The following OR2A25 variants were observed in gnomAD, a reference collection of about 807,000 sequenced individuals.
The protein encoded by OR2A25 is olfactory receptor 2A25.
For synonymous variants in OR2A25, 162 were observed against 148.1 expected (o/e 1.09, Z -0.68); for missense variants, 362 against 368.3 (o/e 0.98, Z 0.14).
Position 144,074,396 on chromosome 7 carries a change from C to T in OR2A25, c.177C>T (p.Tyr59=), listed in dbSNP as rs773190911. ...SLDSRLHTPM[Y]FFLSHLAVVD... ...ACTCCAGACTCCACACCCCCATGTACTTCTTCCTCTCACACCTGGCGGTCG... is the reference window on the plus strand; with the variant it reads ...ACTCCAGACTCCACACCCCCATGTATTTCTTCCTCTCACACCTGGCGGTCG... The change falls in exon 2 of 2, where the codon TAC becomes TAT. Residue 59 remains tyrosine (Y), a synonymous_variant. Coordinates refer to ENST00000641663, the MANE Select transcript of OR2A25 (RefSeq NM_001386096.1). The T allele has an allele frequency of 3.1e-5, 50 of 1,614,046 alleles. 1 individual carries two copies. The Middle Eastern group carries it at 6.6e-4, about 21-fold the overall frequency.
intron 1 of OR2A25, among the ~76,000 whole-genome samples, chr7:144,071,388 G>T (rs2051066218): frequency 6.6e-6 from 1 of 152,072 alleles, no homozygotes; most frequent in Non-Finnish European, 1.5e-5. Flanking sequence ...GCTCCACTGT[G>T]TATATGTACC....
chr7:144,074,401 T>G lies in OR2A25; in HGVS notation c.182T>G (p.Phe61Cys). The G allele has an allele frequency of 1.2e-6, 2 of 1,614,142 alleles. No individual in the cohort carries two copies. Among genetic ancestry groups the G allele is most frequent in the Admixed American group, 1.7e-5 (1 of 60,014 alleles). Reference protein sequence around the residue: ...DSRLHTPMYFFLSHLAVVDIA... With the variant: ...DSRLHTPMYFCLSHLAVVDIA... ...AGACTCCACACCCCCATGTACTTCT[T>G]CCTCTCACACCTGGCGGTCGTCGAC... Residue 61 changes from phenylalanine to cysteine, a missense_variant, in exon 2 of 2, where the codon TTC (phenylalanine) becomes TGC (cysteine). Transcript: ENST00000641663.
intron 1 of OR2A25, 121 bp from the exon 2 acceptor site, chr7:144,074,095 T>C (rs750979275): frequency 1.1e-6 from 1 of 897,198 alleles, no homozygotes; most frequent in Non-Finnish European, 1.7e-6. Flanking sequence ...GTGACTAAGA[T>C]CAAAATATAA....
rs764155220 is a variant in OR2A25, at chr7:144,074,421, G to T, written c.202G>T (p.Val68Phe). 1 of 1,614,170 alleles carries T rather than the reference G, an allele frequency of 6.2e-7. No homozygotes were observed. The highest frequency in any genetic ancestry group is 2.2e-5 in the East Asian group (1 of 44,878). Reference sequence around the variant, plus strand: ...CTTCTTCCTCTCACACCTGGCGGTCGTCGACATCGCCTGTGCTTGCAGCAC... The same window carrying T: ...CTTCTTCCTCTCACACCTGGCGGTCTTCGACATCGCCTGTGCTTGCAGCAC... Reference protein sequence around the residue: ...MYFFLSHLAVVDIACACSTVP... With the variant: ...MYFFLSHLAVFDIACACSTVP... Residue 68 changes from valine to phenylalanine, a missense_variant, in exon 2 of 2, where the codon GTC becomes TTC. Transcript: ENST00000641663.
Position 144,070,792 on chromosome 7 carries a change from A to G in OR2A25, c.-5+896A>G, listed in dbSNP as rs138075332. Among the ~76,000 whole-genome samples the G allele has an allele frequency of 3.1e-3, 465 of 152,150 alleles. 3 individuals are homozygous for G. The highest frequency in any genetic ancestry group is 4.9e-3 in the Non-Finnish European group (336 of 67,940). Reference sequence around the variant, plus strand: ...ATTCATTTTTCTGAGCTATTTAAACATGAGAATTATCATATTTGTGAGTCC... The same window carrying G: ...ATTCATTTTTCTGAGCTATTTAAACGTGAGAATTATCATATTTGTGAGTCC... On this transcript the variant is annotated intron_variant, in intron 1 of 1. Coordinates refer to ENST00000641663, the MANE Select transcript of OR2A25 (RefSeq NM_001386096.1).
rs763465311 is a variant in OR2A25, at chr7:144,074,838, G to T, written c.619G>T (p.Val207Leu). ...TTTGGCAGGGGCAGTGTCTGTGCTG[G>T]TGGGAGCCTTCTTTTCCACTGTAAT... ...MVLAGAVSVL[V>L]GAFFSTVISY... Residue 207 changes from valine (V) to leucine (L), a missense_variant, in exon 2 of 2, where the codon GTG becomes TTG. Transcript: ENST00000641663. 6.2e-7 allele frequency: 1 copy of T among 1,614,188 alleles called. No individual in the cohort carries two copies. Among genetic ancestry groups the T allele is most frequent in the Non-Finnish European group, 8.5e-7 (1 of 1,180,042 alleles).
At chr7:144,071,007 A>C (rs533793381) in intron 1 of OR2A25, among the ~76,000 whole-genome samples, 1 of 152,056 alleles carries the variant, frequency 6.6e-6, no homozygotes. Context: ...ATCCAATTAC[A>C]TTCTTTAATG....
At chr7:144,070,254 TTTTTCCCCC>T (rs2051055637) in intron 1 of OR2A25, 1 of 152,058 alleles carries the variant, frequency 6.6e-6, no homozygotes, top group South Asian at 2.1e-4. Flanking sequence ...CTGGGGCACT[TTTTTCCCCC>T]AATAATCTTT....
intron 1 of OR2A25, among the ~76,000 whole-genome samples, chr7:144,072,247 T>C (rs1275516317): frequency 6.6e-6 from 1 of 151,948 alleles, no homozygotes; most frequent in Admixed American, 6.6e-5. Context: ...AAGAAGGCTA[T>C]AGAGTCAGGC....
Position 144,074,350 on chromosome 7 carries a change from T to A in OR2A25, c.131T>A (p.Ile44Asn), listed in dbSNP as rs1424897317. The change falls in exon 2 of 2, where the codon ATC becomes AAC. Residue 44 changes from isoleucine to asparagine, a missense_variant. By Grantham distance (149) the Ile-to-Asn change is moderately radical. Transcript: ENST00000641663. ...TTCATTCTGTTGGGGAACGGGACAATCCTGGGGCTCATCTCACTGGACTCC... is the reference window on the plus strand; with the variant it reads ...TTCATTCTGTTGGGGAACGGGACAAACCTGGGGCTCATCTCACTGGACTCC... ...YIFILLGNGTILGLISLDSRL... is the reference protein window; with the variant it reads ...YIFILLGNGTNLGLISLDSRL... The A allele has an allele frequency of 1.9e-6, 3 of 1,613,910 alleles. No homozygotes were observed. The highest frequency in any genetic ancestry group is 2.5e-6 in the Non-Finnish European group (3 of 1,179,940).
In OR2A25 at chr7:144,075,742, T is replaced by C. The variant is rs2051108721; in HGVS notation, c.*590T>C. The C allele has an allele frequency of 6.7e-6, 1 of 149,746 alleles. No homozygotes were observed. Among genetic ancestry groups the C allele is most frequent in the South Asian group, 2.1e-4 (1 of 4,776 alleles). 9.3% of individuals were successfully genotyped at this position (149,746 alleles called of 1,614,324 possible). ...TACTCGGGAGGCTGAGGCAGGAGAA[T>C]GGCGCGAACCCTGGAGAGGCGGAGC... is the stretch of plus-strand genomic sequence containing the variant. On this transcript the variant is annotated 3_prime_UTR_variant, in exon 2 of 2. Coordinates refer to ENST00000641663, the MANE Select transcript of OR2A25 (RefSeq NM_001386096.1).
At chr7:144,071,793 A>C (rs2051069101) in intron 1 of OR2A25, among the ~76,000 whole-genome samples, 1 of 151,996 alleles carries the variant, frequency 6.6e-6, no homozygotes, top group Non-Finnish European at 1.5e-5. Flanking sequence ...TAGCATTGTT[A>C]TCTTCATTGG....
At chr7:144,070,579 CT>C (rs2051058365) in intron 1 of OR2A25, among the ~76,000 whole-genome samples, 2 of 151,560 alleles carry the variant, frequency 1.3e-5, no homozygotes, top group South Asian at 4.2e-4. Context: ...TATTTTGATG[CT>C]TTTGGTGTTG....
At chr7:144,071,965 A>G (rs1165078000) in intron 1 of OR2A25, among the ~76,000 whole-genome samples, 1 of 152,082 alleles carries the variant, frequency 6.6e-6, no homozygotes, top group Non-Finnish European at 1.5e-5. Context: ...TTAATCTATG[A>G]ATTAAAACAC....
rs1233270358 is a variant in OR2A25 at position 144,074,434 on chromosome 7, G to A, written c.215G>A (p.Cys72Tyr). The stretch of plus-strand genomic sequence containing the variant: ...CACCTGGCGGTCGTCGACATCGCCT[G>A]TGCTTGCAGCACGGTGCCCCAGATG... ...LSHLAVVDIA[C>Y]ACSTVPQMLV... Residue 72 changes from cysteine (C) to tyrosine (Y), a missense_variant, in exon 2 of 2, where the codon TGT (cysteine) becomes TAT (tyrosine). Coordinates refer to ENST00000641663, the MANE Select transcript of OR2A25 (RefSeq NM_001386096.1). The A allele has an allele frequency of 2.5e-6, 4 of 1,614,068 alleles. No homozygotes were observed. The highest frequency in any genetic ancestry group is 1.6e-4 in the Middle Eastern group (1 of 6,084).
In OR2A25 at chr7:144,075,259, C is replaced by A; in HGVS notation, c.*107C>A. 1 of 842,206 alleles carries A rather than the reference C, an allele frequency of 1.2e-6. No individual in the cohort carries two copies. Among genetic ancestry groups the A allele is most frequent in the Non-Finnish European group, 1.9e-6 (1 of 535,224 alleles). The allele number at this position is 842,206 out of a possible 1,614,324, so 52.2% of individuals were successfully genotyped here. A position where few individuals can be genotyped will look rare whatever the true frequency, so the allele number is the denominator to read the frequency against. On this transcript the variant is annotated 3_prime_UTR_variant, in exon 2 of 2. Transcript: ENST00000641663. ...TCACACTCTAGAGAACCCTTTCCAT[C>A]TTCTTGAAATTTTCCTATGACTACC...
At position 144,074,656 on chromosome 7, in the gene OR2A25, C is replaced by T. The variant is rs772164718; in HGVS notation, c.437C>T (p.Thr146Ile). 20 of 1,614,092 alleles carry T rather than the reference C, an allele frequency of 1.2e-5. No homozygotes were observed. The highest frequency in any genetic ancestry group is 1.6e-5 in the Non-Finnish European group (19 of 1,180,046). ...TWKVCITLAL[T>I]SWILGVLLAL... ...AAAGTCTGCATCACTTTGGCATTGA[C>T]TTCCTGGATTTTAGGAGTCTTATTG... The change falls in exon 2 of 2, where the codon ACT (threonine) becomes ATT (isoleucine). Residue 146 changes from threonine (T) to isoleucine (I), a missense_variant. Thr to Ile is a moderately conservative substitution (Grantham distance 89). Transcript: ENST00000641663.
intron 1 of OR2A25, among the ~76,000 whole-genome samples, chr7:144,070,966 AAATCCAATTACATTCTTTAATGTGAATGT>A (rs1175123277): frequency 1.2e-4 from 19 of 152,016 alleles, no homozygotes; most frequent in African/African-American, 2.9e-4. Flanking sequence ...AAGTTACAAA[AAATCCAATTACATTCTTTAATGTGAATGT>A]AATCCAATTA....
rs1000971728 is a variant in OR2A25 at position 144,074,892 on chromosome 7, C to T, written c.673C>T (p.Leu225=). The stretch of plus-strand genomic sequence containing the variant: ...TTATGTTCATATTCTATGTGCCATT[C>T]TAAAGATCCAGTCAGGAGAGGGGTG... ...ISYVHILCAI[L]KIQSGEGCQK... is the part of the protein sequence containing the mutation. The change falls in exon 2 of 2, where the codon CTA becomes TTA. Residue 225 remains leucine, a synonymous_variant. Transcript: ENST00000641663. The T allele has an allele frequency of 1.2e-6, 2 of 1,614,020 alleles. No homozygotes were observed. Among genetic ancestry groups the T allele is most frequent in the African/African-American group, 2.7e-5 (2 of 74,910 alleles).
Sources: allele counts gnomAD v4.1 joint callset (sites outside exome capture counted in the v4.1 genomes callset), GRCh38; gene constraint gnomAD v4.1.1; transcripts MANE v1.5; gene names NCBI Gene and HGNC (gene_info 2026-07-23, HGNC 2026-07-21).